Variants in SMC6 observed in about 807,000 individuals in gnomAD.
The protein encoded by SMC6 is structural maintenance of chromosomes protein 6.
In SMC6, 79 loss-of-function variants were observed where a neutral mutation model predicts 142.2. The observed-to-expected ratio is 0.56, with a 90% CI of 0.46 to 0.67. The LOEUF (loss-of-function observed/expected upper bound fraction) is 0.67. SMC6 is among the 30% of genes least tolerant of loss of function. The pLI is 0.00. For synonymous variants in SMC6, 411 were observed against 412.4 expected, an observed-to-expected ratio of 1.00 and a Z score of 0.04; for missense variants, 1,072 against 1,284.0, an observed-to-expected ratio of 0.83 and a Z score of 2.52.
Position 17,738,280 on chromosome 2 carries a change from T to TG in SMC6, c.284_285insC (p.Arg96LysfsTer6). ...ATCCTCTATTAGTAGCAACTGCTCT[T>TG]CCACCAAGACCGACTATGAGAGCTG... is the stretch of plus-strand genomic sequence containing the variant. On this transcript the variant is annotated frameshift_variant, in exon 5 of 28. Transcript: ENST00000448223. LOFTEE classifies it high-confidence loss of function. The TG allele has an allele frequency of 6.2e-7, 1 of 1,613,804 alleles. No individual in the cohort carries two copies. The highest frequency in any genetic ancestry group is 8.5e-7 in the Non-Finnish European group (1 of 1,179,966).
At chr2:17,745,718 TA>T in intron 3 of SMC6, 108 bp downstream of exon 3, 1 of 1,216,960 alleles carries the variant, frequency 8.2e-7, no homozygotes, top group African/African-American at 1.6e-5. Context: ...CCTCAACTTT[TA>T]AAAAATCATA....
At chr2:17,752,121 C>G (rs1453273982) in intron 2 of SMC6, among the ~76,000 whole-genome samples, 1 of 152,204 alleles carries the variant, frequency 6.6e-6, no homozygotes, top group African/African-American at 2.4e-5. Context: ...TTTAAGAATC[C>G]TGTCAGCTAG....
At chr2:17,718,294 T>G (rs1669203303) in intron 11 of SMC6, 71 bp from the exon 12 acceptor site, 2 of 1,028,240 alleles carry the variant, frequency 1.9e-6, no homozygotes, top group Non-Finnish European at 2.7e-6. Context: ...TAATTATCTA[T>G]AGTTCATATA....
Position 17,672,715 on chromosome 2 carries a change from T to C in SMC6, c.2911-2140A>G, listed in dbSNP as rs545530851. Among the ~76,000 whole-genome samples, 4 of 152,368 alleles carry C rather than the reference T, an allele frequency of 2.6e-5. No individual in the cohort carries two copies. In the East Asian group the frequency reaches 7.7e-4, roughly 29 times the overall value. ...AGATTTATATACACTATGTACATCC[T>C]TGTAACTGGCTTCTCTCACTCGCCA... On this transcript the variant is annotated intron_variant, in intron 25 of 27. Transcript: ENST00000448223.
At position 17,726,459 on chromosome 2, in the gene SMC6, G is replaced by A. The variant is rs756735940; in HGVS notation, c.554C>T (p.Pro185Leu). The change falls in exon 8 of 28, where the codon CCA (proline) becomes CTA (leucine). Residue 185 changes from proline to leucine, a missense_variant. Around this residue, in one of 3 missense-constraint regions of SMC6, gnomAD observed 994 missense variants for 1,153.2 expected, o/e 0.86. Transcript: ENST00000448223. The part of the protein sequence containing the change: ...LDHFNIQVDN[P>L]VSVLTQEMSK... ...CATTTCTTGTGTTAAAACAGAAACTGGATTATCCACCTCAAACAAACAAAA... is the reference window on the plus strand; with the variant it reads ...CATTTCTTGTGTTAAAACAGAAACTAGATTATCCACCTCAAACAAACAAAA... 1 of 1,609,904 alleles carries A rather than the reference G, an allele frequency of 6.2e-7. No homozygotes were observed. The highest frequency in any genetic ancestry group is 8.5e-7 in the Non-Finnish European group (1 of 1,178,964).
In SMC6 at chr2:17,703,107, G is replaced by A. The variant is rs77550542; in HGVS notation, c.2142+50C>T. 4.2e-3 allele frequency: 4,865 copies of A among 1,150,318 alleles called. 165 individuals are homozygous for A. In the African/African-American group the frequency reaches 0.071, roughly 17 times the overall value. The allele number at this position is 1,150,318 out of a possible 1,614,324, so 71.3% of individuals were successfully genotyped here. A position where few individuals can be genotyped will look rare whatever the true frequency, so the allele number is the denominator to read the frequency against. On this transcript the variant is annotated intron_variant, in intron 19 of 27. Coordinates refer to ENST00000448223, the MANE Select transcript of SMC6 (RefSeq NM_001142286.2). The stretch of plus-strand genomic sequence containing the variant: ...ATGGGATCTTAAAATCAACTTCGTA[G>A]TAGTAAGTTGAAAAAAACAAAAGAA...
Sources: gnomAD v4.1 joint callset for allele counts (sites outside exome capture counted in the v4.1 genomes callset) on GRCh38, gnomAD v4.1.1 for gene constraint, gnomAD v4.1.1 regional missense constraint, MANE v1.5 for transcripts, NCBI Gene and HGNC (gene_info 2026-07-23, HGNC 2026-07-21) for gene names.